ZNF99: variants seen among roughly 807,000 people sequenced by gnomAD.
ZNF99 encodes zinc finger protein 99.
In ZNF99, 8 loss-of-function variants were observed where a neutral mutation model predicts 12.8. That is an observed-to-expected ratio of 0.62 (90% CI 0.37 to 1.13). The LOEUF is 1.13. ZNF99 is among the 50% of genes most tolerant of loss of function. The probability of loss-of-function intolerance (pLI) is 0.02; values close to 1 mark genes in which losing one functional copy is unlikely to be tolerated. For synonymous variants in ZNF99, 318 were observed against 319.0 expected (o/e 1.00, Z 0.03); for missense variants, 1,007 against 1,006.2 (o/e 1.00, Z -0.01).
In ZNF99 at chr19:22,755,129, G is replaced by T; in HGVS notation, c.*2185C>A. Reference sequence around the variant, plus strand: ...TTATGGCATTATTCACATTTGTAGGGTTTCTCTCCCATTGAATTATGTTGT... The same window carrying T: ...TTATGGCATTATTCACATTTGTAGGTTTTCTCTCCCATTGAATTATGTTGT... On this transcript the variant is annotated 3_prime_UTR_variant, in exon 4 of 4. Coordinates refer to ENST00000596209, the MANE Select transcript of ZNF99 (RefSeq NM_001080409.3). 4.8e-6 allele frequency: 1 copy of T among 207,052 alleles called. No homozygotes were observed. The highest frequency in any genetic ancestry group is 5.3e-5 in the Admixed American group (1 of 18,926). 12.8% of individuals were successfully genotyped at this position (207,052 alleles called of 1,614,324 possible).
Position 22,757,646 on chromosome 19 carries a change from G to A in ZNF99, c.2263C>T (p.His755Tyr), listed in dbSNP as rs1973083735. The part of the protein sequence containing the change: ...SSKLTVHKVI[H>Y]TAEKPCKCEE... ...CATTTGCAGGGTTTCTCTGCAGTATGAATTACCTTATGTACAGTAAGTTTT... is the reference window on the plus strand; with the variant it reads ...CATTTGCAGGGTTTCTCTGCAGTATAAATTACCTTATGTACAGTAAGTTTT... The change falls in exon 4 of 4, where the codon CAT (histidine) becomes TAT (tyrosine). Residue 755 changes from histidine to tyrosine, a missense_variant. By Grantham distance (83) the His-to-Tyr change is moderately conservative. Coordinates refer to ENST00000596209, the MANE Select transcript of ZNF99 (RefSeq NM_001080409.3). The A allele has an allele frequency of 6.2e-7, 1 of 1,611,522 alleles. No individual in the cohort carries two copies. The highest frequency in any genetic ancestry group is 1.3e-5 in the African/African-American group (1 of 74,534).
chr19:22,759,445 T>G lies in ZNF99; in HGVS notation c.464A>C (p.His155Pro), dbSNP rs775837003. 5.6e-6 allele frequency: 9 copies of G among 1,598,142 alleles called. No homozygotes were observed. The highest frequency in any genetic ancestry group is 3.5e-5 in the Admixed American group (2 of 57,318). ...FQCNKYVKVF[H>P]KYSNSNRYKI... ...ATATCTATTTGAATTTGAATATTTA[T>G]GAAAGACTTTCACATATTTGTTACA... is the stretch of plus-strand genomic sequence containing the variant. The change falls in exon 4 of 4, where the codon CAT becomes CCT. Residue 155 changes from histidine to proline, a missense_variant. Physicochemically the swap from His to Pro is moderately conservative, Grantham distance 77. Transcript: ENST00000596209.
intron 3 of ZNF99, among the ~76,000 whole-genome samples, chr19:22,762,705 C>T (rs8110086): frequency 0.084 from 12,809 of 152,054 alleles, 569 homozygotes; most frequent in Middle Eastern, 0.11. Context: ...CACAGACTGA[C>T]GTCCCTGATG....
chr19:22,773,696 T>C (rs1255813394), intron 1 of ZNF99, among the ~76,000 whole-genome samples: 1 of 152,186 alleles, frequency 6.6e-6, no homozygotes, highest in African/African-American at 2.4e-5. Context: ...GGCTCTCTAC[T>C]CCCTGAGCAC....
At chr19:22,778,360 T>C (rs1236592594) in intron 1 of ZNF99, among the ~76,000 whole-genome samples, 2 of 151,960 alleles carry the variant, frequency 1.3e-5, no homozygotes, top group Non-Finnish European at 2.9e-5. Context: ...GGAACCAAAT[T>C]TGTAGAGTTT....
rs747033854 is a variant in ZNF99, at chr19:22,757,354, T to G, written c.2555A>C (p.Lys852Thr). Reference sequence around the variant, plus strand: ...TAAGGGCTGAGAAATGTTTAAAAGCTTTGCCACATTCTTCACATTTGCAGG... The same window carrying G: ...TAAGGGCTGAGAAATGTTTAAAAGCGTTGCCACATTCTTCACATTTGCAGG... ...RNPANVKNVA[K>T]LLNISQPLEN... Residue 852 changes from lysine to threonine, a missense_variant, in exon 4 of 4, where the codon AAG becomes ACG. Physicochemically the swap from Lys to Thr is moderately conservative, Grantham distance 78. Coordinates refer to ENST00000596209, the MANE Select transcript of ZNF99 (RefSeq NM_001080409.3). The G allele has an allele frequency of 1.9e-5, 31 of 1,611,388 alleles. No homozygotes were observed. In the Admixed American group the frequency reaches 4.7e-4, roughly 24 times the overall value.
In ZNF99 at chr19:22,760,561, G is replaced by A. The variant is rs577352391; in HGVS notation, c.227-879C>T. Among the ~76,000 whole-genome samples the A allele has an allele frequency of 1.1e-4, 17 of 152,122 alleles. No individual in the cohort carries two copies. In the East Asian group the frequency reaches 1.6e-3, roughly 14 times the overall value. ...AGATCGAGACCATTCTGGCTAACAC[G>A]GTGAAACCGCGTCTCCACTAAAAAT... is the stretch of plus-strand genomic sequence containing the variant. On this transcript the variant is annotated intron_variant, in intron 3 of 3. Transcript: ENST00000596209.
Position 22,757,194 on chromosome 19 carries a change from A to G in ZNF99, c.*120T>C, listed in dbSNP as rs1214774967. On this transcript the variant is annotated 3_prime_UTR_variant, in exon 4 of 4. Coordinates refer to ENST00000596209, the MANE Select transcript of ZNF99 (RefSeq NM_001080409.3). ...GAGGACTGCTTAAAAGCTTTGCCAC[A>G]TTCTTCACATTTGTATGGTTTCTTC... 4 of 1,612,872 alleles carry G rather than the reference A, an allele frequency of 2.5e-6. No individual in the cohort carries two copies. The highest frequency in any genetic ancestry group is 3.4e-6 in the Non-Finnish European group (4 of 1,179,266).
chr19:22,772,336 T>C (rs1973282626), intron 1 of ZNF99, among the ~76,000 whole-genome samples: 1 of 152,172 alleles, frequency 6.6e-6, no homozygotes, highest in Non-Finnish European at 1.5e-5. Flanking sequence ...ATTATTAATA[T>C]ATAGCTACTT....
chr19:22,781,046 G>A (rs1214685951), intron 1 of ZNF99, among the ~76,000 whole-genome samples: 2 of 152,008 alleles, frequency 1.3e-5, no homozygotes, highest in Non-Finnish European at 2.9e-5. Context: ...GTCATTCTGG[G>A]AAAAAGGTAA....
chr19:22,754,323 C>T lies in ZNF99; in HGVS notation c.*2991G>A. On this transcript the variant is annotated 3_prime_UTR_variant, in exon 4 of 4. Transcript: ENST00000596209. ...CGGAGGTTGCAATGAACTGAGATTG[C>T]ACCATTGCACTCCAATTTGGGCGAC... is the stretch of plus-strand genomic sequence containing the variant. 1 of 428,514 alleles carries T rather than the reference C, an allele frequency of 2.3e-6. No homozygotes were observed. The highest frequency in any genetic ancestry group is 4.6e-6 in the Non-Finnish European group (1 of 216,644). 26.5% of individuals were successfully genotyped at this position (428,514 alleles called of 1,614,324 possible).
intron 1 of ZNF99, among the ~76,000 whole-genome samples, chr19:22,776,630 A>T (rs1257569238): frequency 2.0e-5 from 3 of 149,190 alleles, no homozygotes; most frequent in African/African-American, 7.4e-5. Flanking sequence ...TAGGAGTGTA[A>T]ATTAGTTCAA....
rs6511379 is a variant in ZNF99 at position 22,759,136 on chromosome 19, T to C, written c.773A>G (p.Lys258Arg). ...AAAAACTTTGCCACATTCTTCACAT[T>C]TGCAGGGTTTCTTTCCAGTATGAAT... ...KIIHTGKKPC[K>R]CEECGKVFNN... Residue 258 changes from lysine to arginine, a missense_variant, in exon 4 of 4, where the codon AAA becomes AGA. Coordinates refer to ENST00000596209, the MANE Select transcript of ZNF99 (RefSeq NM_001080409.3). 6.2e-7 allele frequency: 1 copy of C among 1,611,222 alleles called. No individual in the cohort carries two copies. Among genetic ancestry groups the C allele is most frequent in the Non-Finnish European group, 8.5e-7 (1 of 1,178,594 alleles).
rs1973420081 is a variant in ZNF99 at position 22,784,022 on chromosome 19, A to C, written c.-6T>G. ...GGACCCGGCACTCTCACCATTTCTA[A>C]GCTTCCAGGGGGTCCTGGCGTCCTA... is the stretch of plus-strand genomic sequence containing the variant. On this transcript the variant is annotated 5_prime_UTR_variant, in exon 1 of 4. Transcript: ENST00000596209. The C allele has an allele frequency of 6.2e-7, 1 of 1,613,618 alleles. No homozygotes were observed. The highest frequency in any genetic ancestry group is 1.3e-5 in the African/African-American group (1 of 74,850).
chr19:22,769,527 G>A (rs1159009533), intron 1 of ZNF99, among the ~76,000 whole-genome samples: 1 of 152,052 alleles, frequency 6.6e-6, no homozygotes, highest in Non-Finnish European at 1.5e-5. Context: ...CAGCACTTTG[G>A]GAGGCCAAGG....
At chr19:22,760,363 A>G (rs962917561) in intron 3 of ZNF99, among the ~76,000 whole-genome samples, 1 of 152,146 alleles carries the variant, frequency 6.6e-6, no homozygotes, top group African/African-American at 2.4e-5. Context: ...GCACATACAT[A>G]TTTATTTCTG....
intron 1 of ZNF99, among the ~76,000 whole-genome samples, chr19:22,771,714 C>CTTTTTT (rs34457637): frequency 1.1e-5 from 1 of 91,142 alleles, no homozygotes; most frequent in Non-Finnish European, 2.2e-5. Flanking sequence ...ACAGGTGAAA[C>CTTTTTT]TTTTTTTTTT....
chr19:22,771,247 T>TA, intron 1 of ZNF99: 1 of 55,346 alleles, frequency 1.8e-5, no homozygotes, highest in East Asian at 4.6e-4. Context: ...AAGCATTTTC[T>TA]TTTTTTTTTT....
chr19:22,765,855 G>A (rs1973197945), intron 3 of ZNF99, among the ~76,000 whole-genome samples: 1 of 151,696 alleles, frequency 6.6e-6, no homozygotes, highest in East Asian at 1.9e-4. Context: ...CTTTTATGTT[G>A]AAAAATAAAA....
Sources: gnomAD v4.1 joint callset for allele counts (sites outside exome capture counted in the v4.1 genomes callset) on GRCh38, gnomAD v4.1.1 for gene constraint, MANE v1.5 for transcripts, NCBI Gene and HGNC (gene_info 2026-07-23, HGNC 2026-07-21) for gene names.